The following AK5 variants were observed in gnomAD, a reference collection of about 807,000 sequenced individuals.
AK5 encodes adenylate kinase 5.
In AK5, 27 loss-of-function variants were observed where a neutral mutation model predicts 69.5. The ratio of observed to expected loss-of-function variants is 0.39; its 90% CI spans 0.29 to 0.54. The LOEUF (loss-of-function observed/expected upper bound fraction) is 0.54, where lower values mean the gene tolerates loss of function less well. Among genes scored for constraint, AK5 ranks in the 20% least tolerant of loss-of-function variants. The probability of loss-of-function intolerance (pLI) is 0.71; values close to 1 mark genes in which losing one functional copy is unlikely to be tolerated. For synonymous variants in AK5, 260 were observed against 244.4 expected, an observed-to-expected ratio of 1.06 and a Z score of -0.60; for missense variants, 531 against 700.4, an observed-to-expected ratio of 0.76 and a Z score of 2.73.
At chr1:77,375,953 G>A (rs1647220564) in intron 6 of AK5, among the ~76,000 whole-genome samples, 1 of 152,200 alleles carries the variant, frequency 6.6e-6, no homozygotes, top group African/African-American at 2.4e-5. Context: ...CTAGGCCGCT[G>A]TGATGCTTAA....
chr1:77,335,182 T>C (rs762166305), intron 5 of AK5, among the ~76,000 whole-genome samples: 1 of 152,148 alleles, frequency 6.6e-6, no homozygotes, highest in Non-Finnish European at 1.5e-5. Context: ...AATATGTCTT[T>C]GCTTATACAA....
chr1:77,322,958 C>A (rs917765495), intron 5 of AK5, among the ~76,000 whole-genome samples: 2 of 151,882 alleles, frequency 1.3e-5, no homozygotes, highest in African/African-American at 4.8e-5. Flanking sequence ...AAGTTCTGCG[C>A]TGTTTATTTC....
At chr1:77,396,357 T>G (rs1436670593) in intron 6 of AK5, among the ~76,000 whole-genome samples, 1 of 152,230 alleles carries the variant, frequency 6.6e-6, no homozygotes, top group Non-Finnish European at 1.5e-5. Flanking sequence ...TTCCTAAAAC[T>G]TGGGGAAAAA....
chr1:77,340,639 C>A, intron 6 of AK5, 71 bp downstream of exon 6: 1 of 1,423,956 alleles, frequency 7.0e-7, no homozygotes, highest in South Asian at 1.3e-5. Flanking sequence ...CCCATGTTCT[C>A]ATGTAGAAAT....
intron 5 of AK5, among the ~76,000 whole-genome samples, chr1:77,328,887 G>T (rs184029414): frequency 6.6e-6 from 1 of 152,278 alleles, no homozygotes; most frequent in Non-Finnish European, 1.5e-5. Context: ...AGTGAATATG[G>T]CTTATGGTTC....
chr1:77,340,354 CTATT>C lies in AK5; in HGVS notation c.700-21_700-18del. The C allele has an allele frequency of 1.9e-6, 3 of 1,601,564 alleles. No individual in the cohort carries two copies. Among genetic ancestry groups the C allele is most frequent in the Non-Finnish European group, 2.6e-6 (3 of 1,171,248 alleles). ...ATTAGTTGGTATGTTGAATGCCTCT[CTATT>C]TGTTGATGCTCTCCACAGATCTGTA... On this transcript the variant is annotated intron_variant, in intron 5 of 13. Transcript: ENST00000354567.
At chr1:77,360,951 T>C (rs1476308076) in intron 6 of AK5, among the ~76,000 whole-genome samples, 4 of 152,100 alleles carry the variant, frequency 2.6e-5, no homozygotes, top group African/African-American at 9.7e-5. Flanking sequence ...GGAGGCCACA[T>C]AATGAAAATG....
At chr1:77,301,174 T>A (rs1659322474) in intron 5 of AK5, among the ~76,000 whole-genome samples, 1 of 152,222 alleles carries the variant, frequency 6.6e-6, no homozygotes, top group Non-Finnish European at 1.5e-5. Flanking sequence ...CCAGCTTGAC[T>A]GGGCAGCTTT....
chr1:77,413,726 G>A (rs1281399798), intron 7 of AK5, among the ~76,000 whole-genome samples: 1 of 152,214 alleles, frequency 6.6e-6, no homozygotes, highest in Non-Finnish European at 1.5e-5. Flanking sequence ...CTTTGCAGCA[G>A]ATTTGAGGGC....
At chr1:77,368,245 A>ATATATATATATATATATAT (rs376578923) in intron 6 of AK5, among the ~76,000 whole-genome samples, 2 of 67,904 alleles carry the variant, frequency 2.9e-5, no homozygotes, top group Non-Finnish European at 5.7e-5. Context: ...ATATATATAT[A>ATATATATATATATATATAT]TATATATAAT....
intron 8 of AK5, among the ~76,000 whole-genome samples, chr1:77,459,157 T>C (rs1653677865): frequency 6.6e-6 from 1 of 152,134 alleles, no homozygotes; most frequent in South Asian, 2.1e-4. Context: ...ACTTCCACAC[T>C]TTTCTCCGAA....
chr1:77,488,587 C>G (rs1378921114), intron 10 of AK5, among the ~76,000 whole-genome samples: 1 of 152,122 alleles, frequency 6.6e-6, no homozygotes, highest in African/African-American at 2.4e-5. Flanking sequence ...TACGTGATCA[C>G]AAGGTCCCAC....
chr1:77,411,198 T>C, intron 7 of AK5, 127 bp downstream of exon 7: 1 of 719,952 alleles, frequency 1.4e-6, no homozygotes, highest in Non-Finnish European at 2.2e-6. Context: ...TCTTATACTT[T>C]CTGGTATAAA....
intron 6 of AK5, 80 bp downstream of exon 6, chr1:77,340,648 A>G (rs555675161): frequency 7.3e-7 from 1 of 1,371,472 alleles, no homozygotes; most frequent in African/African-American, 1.4e-5. Context: ...TCATGTAGAA[A>G]TCCTCTTTAC....
intron 6 of AK5, among the ~76,000 whole-genome samples, chr1:77,383,608 G>A (rs1261087752): frequency 1.3e-5 from 2 of 152,152 alleles, no homozygotes; most frequent in Non-Finnish European, 2.9e-5. Flanking sequence ...CATGGGAAAA[G>A]CAAAGGACTA....
Position 77,486,315 on chromosome 1 carries a change from G to T in AK5, c.1110G>T (p.Met370Ile). Residue 370 changes from methionine to isoleucine, a missense_variant, in exon 10 of 14, where the codon ATG becomes ATT. Coordinates refer to ENST00000354567, the MANE Select transcript of AK5 (RefSeq NM_174858.3). The stretch of plus-strand genomic sequence containing the variant: ...GTTATTCTTATTTTAAAGGTTTCAT[G>T]GAAGATTTGAGAAAGTGTAAAATTA... ...VFGEDTMGGF[M>I]EDLRKCKIIF... 1 of 1,578,316 alleles carries T rather than the reference G, an allele frequency of 6.3e-7. No individual in the cohort carries two copies. Among genetic ancestry groups the T allele is most frequent in the Non-Finnish European group, 8.7e-7 (1 of 1,150,166 alleles).
intron 2 of AK5, among the ~76,000 whole-genome samples, chr1:77,293,335 T>C (rs545273068): frequency 3.9e-5 from 6 of 152,308 alleles, no homozygotes; most frequent in African/African-American, 1.4e-4. Flanking sequence ...GGCTGCTGCA[T>C]ATGCTTGTGA....
chr1:77,406,415 G>C (rs1180869260), intron 6 of AK5, among the ~76,000 whole-genome samples: 1 of 152,096 alleles, frequency 6.6e-6, no homozygotes, highest in African/African-American at 2.4e-5. Context: ...GGTGGCTAGA[G>C]TTGCAGGACA....
At chr1:77,327,588 A>G (rs145794199) in intron 5 of AK5, among the ~76,000 whole-genome samples, 3 of 152,308 alleles carry the variant, frequency 2.0e-5, no homozygotes, top group African/African-American at 7.2e-5. Flanking sequence ...ATGCACTAGT[A>G]ATGAGGAATC....
Sources: allele counts gnomAD v4.1 joint callset (sites outside exome capture counted in the v4.1 genomes callset), GRCh38; gene constraint gnomAD v4.1.1; transcripts MANE v1.5; gene names NCBI Gene and HGNC (gene_info 2026-07-23, HGNC 2026-07-21).